Variants in PTPRD observed in about 807,000 individuals in gnomAD.
PTPRD encodes receptor-type tyrosine-protein phosphatase delta.
PTPRD carries 34 observed loss-of-function variants against 214.5 expected under a neutral mutation model. The ratio of observed to expected loss-of-function variants is 0.16; its 90% CI spans 0.12 to 0.21. The LOEUF is 0.21. Ranked by LOEUF, PTPRD falls within the 10% of genes least tolerant of loss-of-function variation. The pLI, the probability that PTPRD is intolerant of heterozygous loss-of-function variation, is 1.00. For missense variants in PTPRD, 2,545 were observed against 2,398.7 expected (o/e 1.06, Z -1.27); for synonymous variants, 1,128 against 845.7 (o/e 1.33, Z -5.79).
rs540257698 is a variant in PTPRD, at chr9:10,287,509, T to C, written c.-545+53454A>G. 2.0e-5 allele frequency among the ~76,000 whole-genome samples: 3 copies of C among 152,280 alleles called. No individual in the cohort carries two copies. The South Asian group carries it at 6.2e-4, about 32-fold the overall frequency. On this transcript the variant is annotated intron_variant, in intron 3 of 45. Transcript: ENST00000381196. ...CTGAGTGCCATGAAAAGTATCTACA[T>C]AATGATGCCGCCATTGCTACTGCAT...
At chr9:9,091,240 A>G in intron 10 of PTPRD, 1 of 1,253,338 alleles carries the variant, frequency 8.0e-7, no homozygotes, top group East Asian at 2.3e-5. Context: ...ACCAAAGCCC[A>G]TGTAAGGAGC....
chr9:10,079,838 G>A (rs568573282), intron 3 of PTPRD, among the ~76,000 whole-genome samples: 2 of 151,998 alleles, frequency 1.3e-5, no homozygotes, highest in East Asian at 3.9e-4. Flanking sequence ...CGACCCTAAA[G>A]GATATGAAGT....
At chr9:9,869,398 T>C (rs2064860354) in intron 5 of PTPRD, among the ~76,000 whole-genome samples, 1 of 152,102 alleles carries the variant, frequency 6.6e-6, no homozygotes, top group Non-Finnish European at 1.5e-5. Flanking sequence ...GTTGGGACAC[T>C]TTATTAAGAA....
At chr9:10,383,469 T>A (rs1171395596) in intron 2 of PTPRD, among the ~76,000 whole-genome samples, 1 of 151,982 alleles carries the variant, frequency 6.6e-6, no homozygotes, top group African/African-American at 2.4e-5. Context: ...TGCATGGAAC[T>A]AATGTGGTTG....
At position 9,726,028 on chromosome 9, in the gene PTPRD, C is replaced by G. The variant is rs150858343; in HGVS notation, c.-287+8505G>C. Among the ~76,000 whole-genome samples, 643 of 152,246 alleles carry G rather than the reference C, an allele frequency of 4.2e-3. 9 individuals are homozygous for G. The highest frequency in any genetic ancestry group is 0.017 in the Middle Eastern group (5 of 294). On this transcript the variant is annotated intron_variant, in intron 7 of 45. Coordinates refer to ENST00000381196, the MANE Select transcript of PTPRD (RefSeq NM_002839.4). Reference sequence around the variant, plus strand: ...ACTACATGGCTATGAATGTTTGAAACAGTATTAATTTGATTTGTTAGAATT... The same window carrying G: ...ACTACATGGCTATGAATGTTTGAAAGAGTATTAATTTGATTTGTTAGAATT...
Position 9,154,007 on chromosome 9 carries a change from G to A in PTPRD, c.-143+29297C>T, listed in dbSNP as rs982402350. ...CTGTTGACATTGAAGATAGCATCAC[G>A]TATTTTGGCCAGTGGAATGTGAGTA... On this transcript the variant is annotated intron_variant, in intron 10 of 45. Coordinates refer to ENST00000381196, the MANE Select transcript of PTPRD (RefSeq NM_002839.4). Among the ~76,000 whole-genome samples, 8 of 152,108 alleles carry A rather than the reference G, an allele frequency of 5.3e-5. No individual in the cohort carries two copies. In the East Asian group the frequency reaches 7.7e-4, roughly 15 times the overall value.
At chr9:10,120,928 C>T (rs1038983483) in intron 3 of PTPRD, among the ~76,000 whole-genome samples, 11 of 151,832 alleles carry the variant, frequency 7.2e-5, no homozygotes, top group African/African-American at 1.7e-4. Context: ...ACAAAGCTCA[C>T]GTAGACATTG....
At chr9:9,410,670 G>T (rs2075103801) in intron 8 of PTPRD, among the ~76,000 whole-genome samples, 1 of 152,158 alleles carries the variant, frequency 6.6e-6, no homozygotes. Context: ...ATTAGAAAAA[G>T]ACACCATAAA....
At chr9:9,793,404 A>T (rs1273135044) in intron 5 of PTPRD, among the ~76,000 whole-genome samples, 1 of 152,140 alleles carries the variant, frequency 6.6e-6, no homozygotes, top group South Asian at 2.1e-4. Flanking sequence ...ATGATCTTCT[A>T]TTATCAGCAG....
At chr9:9,414,872 CAT>C (rs2076540551) in intron 8 of PTPRD, 2 of 152,240 alleles carry the variant, frequency 1.3e-5, no homozygotes, top group Admixed American at 6.5e-5. Context: ...AATAGAAACA[CAT>C]AAAATTTAAA....
chr9:9,407,051 T>C (rs1243753339), intron 8 of PTPRD, among the ~76,000 whole-genome samples: 2 of 151,830 alleles, frequency 1.3e-5, no homozygotes, highest in Non-Finnish European at 3.0e-5. Flanking sequence ...ATAGTAATAG[T>C]ACTTATTTCA....
chr9:9,130,850 A>G (rs1455440368), intron 10 of PTPRD, among the ~76,000 whole-genome samples: 1 of 152,190 alleles, frequency 6.6e-6, no homozygotes, highest in African/African-American at 2.4e-5. Context: ...TTAGCATCGT[A>G]TATCAGGAAC....
At chr9:8,909,406 T>C (rs1035994157) in intron 11 of PTPRD, among the ~76,000 whole-genome samples, 1 of 152,198 alleles carries the variant, frequency 6.6e-6, no homozygotes, top group Non-Finnish European at 1.5e-5. Flanking sequence ...ATGAATTATA[T>C]ATATTGATCG....
At position 10,019,541 on chromosome 9, in the gene PTPRD, T is replaced by C. The variant is rs1330371067; in HGVS notation, c.-472+14177A>G. ...TGGAACCAAGCCAAAAGTCCAACAA[T>C]GATAGACTGGATTAAGAAAATGTGG... On this transcript the variant is annotated intron_variant, in intron 4 of 45. Transcript: ENST00000381196. 7.9e-5 allele frequency among the ~76,000 whole-genome samples: 12 copies of C among 152,134 alleles called. No homozygotes were observed. In the East Asian group the frequency reaches 1.9e-3, roughly 24 times the overall value.
chr9:8,917,515 A>T (rs2098795795), intron 11 of PTPRD, among the ~76,000 whole-genome samples: 1 of 152,056 alleles, frequency 6.6e-6, no homozygotes. Flanking sequence ...TACTTGTAAC[A>T]ATCAGAAACA....
intron 3 of PTPRD, among the ~76,000 whole-genome samples, chr9:10,217,925 G>A (rs1197746515): frequency 6.6e-6 from 1 of 151,852 alleles, no homozygotes; most frequent in Non-Finnish European, 1.5e-5. Flanking sequence ...TTGAAAACCT[G>A]ACTCTTCCCA....
chr9:10,421,597 T>A (rs1049847777), intron 2 of PTPRD, among the ~76,000 whole-genome samples: 1 of 151,800 alleles, frequency 6.6e-6, no homozygotes, highest in Non-Finnish European at 1.5e-5. Context: ...CCAGTTTAGG[T>A]TTTATATACT....
At position 10,201,889 on chromosome 9, in the gene PTPRD, T is replaced by G. The variant is rs575727027; in HGVS notation, c.-545+139074A>C. Among the ~76,000 whole-genome samples, 193 of 146,872 alleles carry G rather than the reference T, an allele frequency of 1.3e-3. 6 individuals carry two copies. The South Asian group carries it at 0.037, about 28-fold the overall frequency. The stretch of plus-strand genomic sequence containing the variant: ...AGTTGTTAAATTTGAGAGGTACAAT[T>G]TTCAGTAAACTTTTTTTTTTCCAGT... On this transcript the variant is annotated intron_variant, in intron 3 of 45. Transcript: ENST00000381196.
intron 5 of PTPRD, among the ~76,000 whole-genome samples, chr9:9,794,058 G>A (rs915862190): frequency 2.0e-5 from 3 of 151,878 alleles, no homozygotes; most frequent in South Asian, 2.1e-4. Flanking sequence ...TAAAAAATAC[G>A]TGTTTGGCAC....
Sources: allele counts gnomAD v4.1 joint callset (sites outside exome capture counted in the v4.1 genomes callset), GRCh38; gene constraint gnomAD v4.1.1; transcripts MANE v1.5; gene names NCBI Gene and HGNC (gene_info 2026-07-23, HGNC 2026-07-21).